Variants in HTRA4 observed in about 807,000 individuals in gnomAD.
HTRA4 encodes the protein HtrA serine peptidase 4.
HTRA4 carries 46 observed loss-of-function variants against 49.1 expected under a neutral mutation model. The ratio of observed to expected loss-of-function variants is 0.94; its 90% confidence interval spans 0.74 to 1.20. The LOEUF (loss-of-function observed/expected upper bound fraction) is 1.20. Ranked by LOEUF, HTRA4 falls within the 50% of genes most tolerant of loss-of-function variation. HTRA4 has a pLI of 0.00. For synonymous variants in HTRA4, 261 were observed against 264.0 expected (o/e 0.99, Z 0.11); for missense variants, 602 against 636.9 (o/e 0.95, Z 0.59).
intron 5 of HTRA4, among the ~76,000 whole-genome samples, chr8:38,981,074 T>TTTTTTTTTTG (rs1344328982): frequency 2.0e-5 from 2 of 101,298 alleles, no homozygotes; most frequent in East Asian, 5.0e-4. Context: ...TTTTTTTTTT[T>TTTTTTTTTTG]TTTTTTTTTT....
chr8:38,974,532 C>T lies in HTRA4; in HGVS notation c.269C>T (p.Pro90Leu), dbSNP rs967682567. The T allele has an allele frequency of 2.2e-5, 32 of 1,424,466 alleles. No homozygotes were observed. The highest frequency in any genetic ancestry group is 3.0e-5 in the African/African-American group (2 of 66,204). 88.2% of individuals were successfully genotyped at this position (1,424,466 alleles called of 1,614,324 possible). ...CGGAQGQPCA[P>L]GLQCLQPLRP... The stretch of plus-strand genomic sequence containing the variant: ...GGGGCGCAGGGCCAACCGTGCGCCC[C>T]GGGGCTGCAGTGCCTCCAGCCGCTG... Residue 90 changes from proline (P) to leucine (L), a missense_variant, in exon 1 of 9, where the codon CCG (proline) becomes CTG (leucine). Pro to Leu is a moderately conservative substitution (Grantham distance 98). Coordinates refer to ENST00000302495, the MANE Select transcript of HTRA4 (RefSeq NM_153692.4).
At chr8:38,979,002 A>AC (rs1037753354) in intron 4 of HTRA4, among the ~76,000 whole-genome samples, 4 of 150,968 alleles carry the variant, frequency 2.6e-5, no homozygotes, top group African/African-American at 7.3e-5. Flanking sequence ...TCAAAAAAAA[A>AC]AAAAAAAAAT....
At chr8:38,982,034 G>T (rs1425989666) in intron 6 of HTRA4, among the ~76,000 whole-genome samples, 3 of 152,036 alleles carry the variant, frequency 2.0e-5, no homozygotes, top group Non-Finnish European at 2.9e-5. Flanking sequence ...TTTCAGTAGA[G>T]ACGGGGTTTC....
Position 38,974,729 on chromosome 8 carries a change from G to T in HTRA4, c.466G>T (p.Gly156Trp). ...GCAGTGGGGGAACTGCGGGGATACA[G>T]GTGAGCCGCGGGGGCGCGCGCCCTC... ...PVQWGNCGDT[G>W]TRSAGPLRRN... Residue 156 changes from glycine (G) to tryptophan (W), a missense_variant and splice_region_variant, in exon 1 of 9, where the codon GGG (glycine) becomes TGG (tryptophan). Coordinates refer to ENST00000302495, the MANE Select transcript of HTRA4 (RefSeq NM_153692.4). The T allele has an allele frequency of 7.0e-7, 1 of 1,427,298 alleles. No individual in the cohort carries two copies. The highest frequency in any genetic ancestry group is 9.1e-7 in the Non-Finnish European group (1 of 1,098,782). The allele number at this position is 1,427,298 out of a possible 1,614,324, so 88.4% of individuals were successfully genotyped here.
intron 8 of HTRA4, 71 bp from the exon 9 acceptor site, chr8:38,987,865 A>G: frequency 7.4e-7 from 1 of 1,350,284 alleles, no homozygotes; most frequent in Non-Finnish European, 9.9e-7. Context: ...CAGAAATATT[A>G]AATTATAGAT....
chr8:38,980,662 C>G (rs539565094), intron 5 of HTRA4, among the ~76,000 whole-genome samples: 2 of 151,948 alleles, frequency 1.3e-5, no homozygotes, highest in Non-Finnish European at 2.9e-5. Context: ...CGCTTGAACC[C>G]GGGAGGCAGA....
intron 8 of HTRA4, among the ~76,000 whole-genome samples, chr8:38,983,623 T>G (rs1347492356): frequency 6.6e-6 from 1 of 152,140 alleles, no homozygotes; most frequent in African/African-American, 2.4e-5. Context: ...AAAATAACTA[T>G]TTTAAAAATA....
chr8:38,974,889 A>G, intron 1 of HTRA4, 142 bp from the exon 2 acceptor site: 3 of 1,207,404 alleles, frequency 2.5e-6, no homozygotes, highest in Non-Finnish European at 3.5e-6. Context: ...TTCCTCCTTA[A>G]CAGGGGCTCT....
chr8:38,987,346 GA>G (rs1275651844), intron 8 of HTRA4, among the ~76,000 whole-genome samples: 2 of 152,114 alleles, frequency 1.3e-5, no homozygotes, highest in Non-Finnish European at 2.9e-5. Flanking sequence ...CAACTTTGGA[GA>G]AAAGGAGCCT....
chr8:38,982,464 T>C (rs1835435021), intron 6 of HTRA4, 34 bp from the exon 7 acceptor site: 8 of 1,592,774 alleles, frequency 5.0e-6, no homozygotes, highest in Non-Finnish European at 6.9e-6. Flanking sequence ...AGGAAAGAGG[T>C]TTTGTTGTAA....
chr8:38,974,489 G>T lies in HTRA4; in HGVS notation c.226G>T (p.Glu76Ter). 6.6e-7 allele frequency: 1 copy of T among 1,512,714 alleles called. No homozygotes were observed. The highest frequency in any genetic ancestry group is 8.8e-7 in the Non-Finnish European group (1 of 1,138,078). The allele number at this position is 1,512,714 out of a possible 1,614,324, so 93.7% of individuals were successfully genotyped here. ...CTGTTGCCGCGTCTGCCCCGCGGCC[G>T]AGCGTGAAGTCTGCGGCGGGGCGCA... is the stretch of plus-strand genomic sequence containing the variant. Reference protein sequence around the residue: ...CRCCRVCPAAEREVCGGAQGQ... With the variant: ...CRCCRVCPAA Residue 76 changes from glutamate (E) to a stop codon, truncating the protein, a stop_gained, in exon 1 of 9, where the codon GAG becomes TAG. Coordinates refer to ENST00000302495, the MANE Select transcript of HTRA4 (RefSeq NM_153692.4). LOFTEE classifies it high-confidence loss of function.
In HTRA4 at chr8:38,974,585, T is replaced by G. The variant is rs1484890780; in HGVS notation, c.322T>G (p.Cys108Gly). Residue 108 changes from cysteine to glycine, a missense_variant, in exon 1 of 9, where the codon TGC becomes GGC. Coordinates refer to ENST00000302495, the MANE Select transcript of HTRA4 (RefSeq NM_153692.4). ...CCCCGGGTTCCCCAGCACCTGCGGTTGCCCGACGCTGGGAGGGGCCGTGTG... is the reference window on the plus strand; with the variant it reads ...CCCCGGGTTCCCCAGCACCTGCGGTGGCCCGACGCTGGGAGGGGCCGTGTG... ...LRPGFPSTCG[C>G]PTLGGAVCGS... The G allele has an allele frequency of 7.0e-7, 1 of 1,424,298 alleles. No individual in the cohort carries two copies. Among genetic ancestry groups the G allele is most frequent in the Non-Finnish European group, 9.1e-7 (1 of 1,095,042 alleles). The allele number at this position is 1,424,298 out of a possible 1,614,324, so 88.2% of individuals were successfully genotyped here.
chr8:38,985,308 G>A (rs1489795657), intron 8 of HTRA4, among the ~76,000 whole-genome samples: 3 of 152,172 alleles, frequency 2.0e-5, no homozygotes, highest in Non-Finnish European at 4.4e-5. Context: ...CTACAGGCGT[G>A]TGCCACCACG....
chr8:38,974,644 C>A lies in HTRA4; in HGVS notation c.381C>A (p.Cys127Ter). The A allele has an allele frequency of 7.1e-7, 1 of 1,408,472 alleles. No individual in the cohort carries two copies. The highest frequency in any genetic ancestry group is 1.6e-5 in the South Asian group (1 of 64,066). The allele number at this position is 1,408,472 out of a possible 1,614,324, so 87.2% of individuals were successfully genotyped here. ...ACAGGCGCACCTACCCCAGCATGTG[C>A]GCGCTCCGGGCCGAAAACCGCGCCG... ...GSDRRTYPSM[C>*]ALRAENRAAR... The change falls in exon 1 of 9, where the codon TGC becomes TGA. Residue 127 changes from cysteine (C) to a stop codon, truncating the protein, a stop_gained. Transcript: ENST00000302495. LOFTEE classifies it high-confidence loss of function.
rs375060855 is a variant in HTRA4, at chr8:38,974,331, T to C, written c.68T>C (p.Leu23Pro). ...CTCCTGCCGGGGCTGCTGCTGCTCC[T>C]GGTGCCCGTCCTCTGGGCCGGGGCT... is the stretch of plus-strand genomic sequence containing the variant. Reference protein sequence around the residue: ...RCLLPGLLLLLVPVLWAGAEK... With the variant: ...RCLLPGLLLLPVPVLWAGAEK... Residue 23 changes from leucine (L) to proline (P), a missense_variant, in exon 1 of 9, where the codon CTG (leucine) becomes CCG (proline). Coordinates refer to ENST00000302495, the MANE Select transcript of HTRA4 (RefSeq NM_153692.4). The C allele has an allele frequency of 1.2e-6, 2 of 1,612,646 alleles. No individual in the cohort carries two copies. The highest frequency in any genetic ancestry group is 1.7e-6 in the Non-Finnish European group (2 of 1,179,736).
chr8:38,978,951 G>A (rs189611050), intron 4 of HTRA4, among the ~76,000 whole-genome samples: 7 of 141,872 alleles, frequency 4.9e-5, no homozygotes, highest in South Asian at 2.2e-4. Flanking sequence ...TCGAGATTGC[G>A]CCATTGCATT....
At position 38,979,256 on chromosome 8, in the gene HTRA4, T is replaced by A. The variant is rs1835391146; in HGVS notation, c.999+9T>A. On this transcript the variant is annotated intron_variant, in intron 5 of 8. Transcript: ENST00000302495. Reference sequence around the variant, plus strand: ...GTCCTCTGGTGAACTTGGTAAGTGATCACTTTCCTTGTTGCTTCATGTTTC... The same window carrying A: ...GTCCTCTGGTGAACTTGGTAAGTGAACACTTTCCTTGTTGCTTCATGTTTC... 1.2e-6 allele frequency: 2 copies of A among 1,611,488 alleles called. No individual in the cohort carries two copies. The highest frequency in any genetic ancestry group is 1.3e-5 in the African/African-American group (1 of 74,976).
intron 8 of HTRA4, among the ~76,000 whole-genome samples, chr8:38,985,746 A>G (rs1835476115): frequency 6.6e-6 from 1 of 152,250 alleles, no homozygotes; most frequent in South Asian, 2.1e-4. Flanking sequence ...TGTGGTCTGT[A>G]GACCAGCGTC....
At chr8:38,980,487 G>A (rs2129427395) in intron 5 of HTRA4, among the ~76,000 whole-genome samples, 1 of 151,958 alleles carries the variant, frequency 6.6e-6, no homozygotes, top group South Asian at 2.1e-4. Context: ...CAGCACTTTG[G>A]GAGTCTGAGG....
Sources: allele counts gnomAD v4.1 joint callset (sites outside exome capture counted in the v4.1 genomes callset), GRCh38; gene constraint gnomAD v4.1.1; transcripts MANE v1.5; gene names NCBI Gene and HGNC (gene_info 2026-07-23, HGNC 2026-07-21).